CACNB1: variants seen among roughly 807,000 people sequenced by gnomAD.
CACNB1 encodes the protein voltage-dependent L-type calcium channel subunit beta-1.
In CACNB1, 29 loss-of-function variants were observed where a neutral mutation model predicts 71.6. That is an observed-to-expected ratio of 0.40 (90% CI 0.30 to 0.55). The LOEUF (loss-of-function observed/expected upper bound fraction) is 0.55, where lower values mean the gene tolerates loss of function less well. CACNB1 is among the 20% of genes least tolerant of loss of function. CACNB1 has a pLI of 0.38. For missense variants in CACNB1, 623 were observed against 801.8 expected, an observed-to-expected ratio of 0.78 and a Z score of 2.69; for synonymous variants, 300 against 319.6, an observed-to-expected ratio of 0.94 and a Z score of 0.65.
At chr17:39,188,281 T>TA (rs879573264) in intron 3 of CACNB1, among the ~76,000 whole-genome samples, 39 of 138,730 alleles carry the variant, frequency 2.8e-4, no homozygotes, top group South Asian at 2.1e-3. Context: ...AGACTCTGTC[T>TA]AAAAAAAAAA....
At position 39,197,551 on chromosome 17, in the gene CACNB1, A is replaced by G; in HGVS notation, c.-56T>C. The G allele has an allele frequency of 1.5e-6, 2 of 1,337,020 alleles. No individual in the cohort carries two copies. The highest frequency in any genetic ancestry group is 2.0e-6 in the Non-Finnish European group (2 of 995,038). 82.8% of individuals were successfully genotyped at this position (1,337,020 alleles called of 1,614,324 possible). On this transcript the variant is annotated 5_prime_UTR_variant, in exon 1 of 14. An upstream start codon of the reference 5' UTR is lost. Coordinates refer to ENST00000394303, the MANE Select transcript of CACNB1 (RefSeq NM_000723.5). ...CGGCCCAGCCGGGCTCCCTCAGCGC[A>G]TGGGAGAGGCCGTGGGAGCCGAAAG... is the stretch of plus-strand genomic sequence containing the variant.
chr17:39,178,523 G>A (rs1293520441), intron 11 of CACNB1, among the ~76,000 whole-genome samples: 2 of 151,920 alleles, frequency 1.3e-5, no homozygotes, highest in Admixed American at 1.3e-4. Flanking sequence ...AGGGCTACAG[G>A]CACGTGCCAT....
intron 11 of CACNB1, among the ~76,000 whole-genome samples, chr17:39,179,639 C>T (rs2045697290): frequency 1.3e-5 from 2 of 152,026 alleles, no homozygotes; most frequent in East Asian, 3.9e-4. Flanking sequence ...TGGCTCACAC[C>T]TGTAATCCCA....
chr17:39,175,776 G>T lies in CACNB1; in HGVS notation c.1333-119C>A. ...TCCGGCCTGGATGAAGAGGGTGCTG[G>T]CTCTAGAGGAGGGGCCCCGGGGACA... On this transcript the variant is annotated intron_variant, in intron 13 of 13. Transcript: ENST00000394303. The surrounding 1 kb of genome is among the most constrained non-coding windows in gnomAD (Gnocchi z 4.7). The T allele has an allele frequency of 2.3e-6, 2 of 853,708 alleles. No individual in the cohort carries two copies. The highest frequency in any genetic ancestry group is 3.5e-6 in the Non-Finnish European group (2 of 566,580). The allele number at this position is 853,708 out of a possible 1,614,324, so 52.9% of individuals were successfully genotyped here.
Position 39,175,702 on chromosome 17 carries a change from G to A in CACNB1, c.1333-45C>T, listed in dbSNP as rs751112902. The stretch of plus-strand genomic sequence containing the variant: ...CACACACCATGCAGATCAGGCAGGG[G>A]TGAGAAAAACACAACAAAGCAAGGC... On this transcript the variant is annotated intron_variant, in intron 13 of 13. Transcript: ENST00000394303. This position sits in a 1 kb window ranked among gnomAD's most constrained non-coding sequence, Gnocchi z 4.7. The A allele has an allele frequency of 7.0e-7, 1 of 1,432,630 alleles. No homozygotes were observed. Among genetic ancestry groups the A allele is most frequent in the South Asian group, 1.4e-5 (1 of 73,934 alleles). The allele number at this position is 1,432,630 out of a possible 1,614,324, so 88.7% of individuals were successfully genotyped here. A position where few individuals can be genotyped will look rare whatever the true frequency, so the allele number is the denominator to read the frequency against.
chr17:39,178,375 CT>C (rs375895816), intron 11 of CACNB1: 57 of 212,720 alleles, frequency 2.7e-4, no homozygotes, highest in South Asian at 5.1e-4. Flanking sequence ...GCCCACTCTC[CT>C]TTTTTTTTGT....
rs780505454 is a variant in CACNB1, at chr17:39,177,228, G to C, written c.1332+122C>G. ...GTTCCGACCCCAGAGCAGGAGGGAA[G>C]ACGGGCAGGGCGCCCACTACATGGC... On this transcript the variant is annotated intron_variant, in intron 13 of 13. Coordinates refer to ENST00000394303, the MANE Select transcript of CACNB1 (RefSeq NM_000723.5). The C allele has an allele frequency of 5.8e-5, 91 of 1,562,062 alleles. 2 individuals carry two copies. The South Asian group carries it at 1.1e-3, about 18-fold the overall frequency.
intron 11 of CACNB1, among the ~76,000 whole-genome samples, chr17:39,181,507 G>A (rs1437681298): frequency 6.6e-6 from 1 of 152,180 alleles, no homozygotes; most frequent in Non-Finnish European, 1.5e-5. Flanking sequence ...CTTGCCAAAG[G>A]AACACAGAGC....
In CACNB1 at chr17:39,186,303, A is replaced by G; in HGVS notation, c.628+193T>C. 1 of 634,784 alleles carries G rather than the reference A, an allele frequency of 1.6e-6. No individual in the cohort carries two copies. The highest frequency in any genetic ancestry group is 2.7e-5 in the East Asian group (1 of 36,588). 39.3% of individuals were successfully genotyped at this position (634,784 alleles called of 1,614,324 possible). The stretch of plus-strand genomic sequence containing the variant: ...GGCAGAGAGATGGAGCTACCAAAGA[A>G]AAGGGAGAGGAGAGACATGACAGGC... On this transcript the variant is annotated intron_variant, in intron 6 of 13. Transcript: ENST00000394303. The surrounding 1 kb of genome is among the most constrained non-coding windows in gnomAD (Gnocchi z 4.1).
At chr17:39,196,383 A>T (rs1300075332) in intron 1 of CACNB1, among the ~76,000 whole-genome samples, 1 of 152,130 alleles carries the variant, frequency 6.6e-6, no homozygotes, top group African/African-American at 2.4e-5. Flanking sequence ...TCAGAGGGAC[A>T]GGGGACAGCT....
chr17:39,182,926 C>T, intron 11 of CACNB1: 1 of 979,636 alleles, frequency 1.0e-6, no homozygotes, highest in Non-Finnish European at 1.2e-6. Flanking sequence ...CCAATCAGAG[C>T]TTGAATTTCA....
intron 11 of CACNB1, among the ~76,000 whole-genome samples, chr17:39,178,712 A>G (rs1322363671): frequency 1.3e-5 from 2 of 152,078 alleles, no homozygotes; most frequent in Admixed American, 6.6e-5. Context: ...CGGCAACAAC[A>G]ACAGTCTTCC....
At chr17:39,178,349 C>A in intron 11 of CACNB1, 2 of 300,744 alleles carry the variant, frequency 6.7e-6, no homozygotes, top group Non-Finnish European at 6.2e-6. Flanking sequence ...ACTTCTCTAA[C>A]ATTGTTTGTA....
intron 3 of CACNB1, among the ~76,000 whole-genome samples, chr17:39,189,635 A>T (rs2046024610): frequency 6.6e-6 from 1 of 150,734 alleles, no homozygotes; most frequent in South Asian, 2.1e-4. Flanking sequence ...AGTAGCTGGG[A>T]TTACAGGCAT....
At chr17:39,183,978 C>T (rs2045860161) in intron 10 of CACNB1, 53 bp downstream of exon 10, 2 of 1,544,018 alleles carry the variant, frequency 1.3e-6, no homozygotes, top group African/African-American at 2.7e-5. Flanking sequence ...ACCTCCCACC[C>T]CTCCCACATC....
chr17:39,179,398 C>T lies in CACNB1; in HGVS notation c.1051-1319G>A, dbSNP rs1368030681. On this transcript the variant is annotated intron_variant, in intron 11 of 13. Coordinates refer to ENST00000394303, the MANE Select transcript of CACNB1 (RefSeq NM_000723.5). ...GGTCAGGAGATCAAGACCATCCTGG[C>T]CAACATAGTGAAACCCCGTCTCTAC... Among the ~76,000 whole-genome samples, 3 of 150,364 alleles carry T rather than the reference C, an allele frequency of 2.0e-5. No individual in the cohort carries two copies. In the East Asian group the frequency reaches 5.9e-4, roughly 30 times the overall value.
chr17:39,175,749 G>A lies in CACNB1; in HGVS notation c.1333-92C>T, dbSNP rs2045561824. On this transcript the variant is annotated intron_variant, in intron 13 of 13. Transcript: ENST00000394303. This position sits in a 1 kb window ranked among gnomAD's most constrained non-coding sequence, Gnocchi z 4.7. ...AGGCAAGTTAGTGACAGCATTAAGA[G>A]GTCCGGCCTGGATGAAGAGGGTGCT... 2 of 1,041,842 alleles carry A rather than the reference G, an allele frequency of 1.9e-6. No homozygotes were observed. The highest frequency in any genetic ancestry group is 2.8e-6 in the Non-Finnish European group (2 of 725,620). The allele number at this position is 1,041,842 out of a possible 1,614,324, so 64.5% of individuals were successfully genotyped here. A position where few individuals can be genotyped will look rare whatever the true frequency, so the allele number is the denominator to read the frequency against.
At chr17:39,187,104 C>T (rs528154465) in intron 4 of CACNB1, 175 bp from the exon 5 acceptor site, 1 of 662,584 alleles carries the variant, frequency 1.5e-6, no homozygotes, top group African/African-American at 1.8e-5. Context: ...CTCAGGACAA[C>T]TCCAGGACCA....
chr17:39,188,659 G>A (rs1324408465), intron 3 of CACNB1, among the ~76,000 whole-genome samples: 2 of 152,178 alleles, frequency 1.3e-5, no homozygotes, highest in African/African-American at 2.4e-5. Flanking sequence ...AGCAAAATGT[G>A]GAATTCAGCC....
Sources: allele counts gnomAD v4.1 joint callset (sites outside exome capture counted in the v4.1 genomes callset), GRCh38; gene constraint gnomAD v4.1.1; non-coding constraint Gnocchi (gnomAD v3.1); transcripts MANE v1.5; gene names NCBI Gene and HGNC (gene_info 2026-07-23, HGNC 2026-07-21).